The following GGA2 variants were observed in gnomAD, a reference collection of about 807,000 sequenced individuals.
The protein encoded by GGA2 is ADP-ribosylation factor-binding protein GGA2.
A neutral mutation model predicts 79.5 loss-of-function variants in GGA2; 48 were observed. That is an observed-to-expected ratio of 0.60 (90% CI 0.48 to 0.77). The LOEUF (loss-of-function observed/expected upper bound fraction) is 0.77, where lower values mean the gene tolerates loss of function less well. Ranked by LOEUF, GGA2 falls within the 30% of genes least tolerant of loss-of-function variation. The pLI is 0.00. For synonymous variants in GGA2, 317 were observed against 302.0 expected (o/e 1.05, Z -0.51); for missense variants, 770 against 774.0 (o/e 0.99, Z 0.06).
rs371311773 is a variant in GGA2 at position 23,493,342 on chromosome 16, C to T, written c.351+18G>A. On this transcript the variant is annotated intron_variant, in intron 4 of 16. Transcript: ENST00000309859. ...CGTAGGTGCGACACAGTCAGCAGAG[C>T]CAAGCCCAGGTACTCACCTTTGGGG... is the stretch of plus-strand genomic sequence containing the variant. 9.2e-5 allele frequency: 135 copies of T among 1,463,296 alleles called. No individual in the cohort carries two copies. Among genetic ancestry groups the T allele is most frequent in the Non-Finnish European group, 1.2e-4 (120 of 1,042,170 alleles). The allele number at this position is 1,463,296 out of a possible 1,614,324, so 90.6% of individuals were successfully genotyped here.
intron 1 of GGA2, among the ~76,000 whole-genome samples, chr16:23,508,198 C>A (rs540876988): frequency 2.0e-5 from 3 of 151,992 alleles, no homozygotes; most frequent in African/African-American, 4.8e-5. Flanking sequence ...TCCCAAGTAG[C>A]TGGAATTACA....
In GGA2 at chr16:23,470,019, T is replaced by A; in HGVS notation, c.1597A>T (p.Met533Leu). The change falls in exon 15 of 17, where the codon ATG becomes TTG. Residue 533 changes from methionine (M) to leucine (L), a missense_variant. Physicochemically the swap from Met to Leu is conservative, Grantham distance 15 (BLOSUM62 2). Transcript: ENST00000309859. ...STAPQPVWDIMFQVAVPKSMR... is the reference protein window; with the variant it reads ...STAPQPVWDILFQVAVPKSMR... ...ACCTTTGGCACAGCCACTTGAAACA[T>A]GATATCCCAGACAGGCTGGGGAGCC... The A allele has an allele frequency of 6.4e-7, 1 of 1,568,612 alleles. No homozygotes were observed. The highest frequency in any genetic ancestry group is 8.6e-7 in the Non-Finnish European group (1 of 1,157,532).
rs1964418067 is a variant in GGA2, at chr16:23,465,047, G to A, written c.*2543C>T. 1 of 483,188 alleles carries A rather than the reference G, an allele frequency of 2.1e-6. No homozygotes were observed. The highest frequency in any genetic ancestry group is 1.9e-5 in the African/African-American group (1 of 51,750). 29.9% of individuals were successfully genotyped at this position (483,188 alleles called of 1,614,324 possible). On this transcript the variant is annotated 3_prime_UTR_variant, in exon 17 of 17. Coordinates refer to ENST00000309859, the MANE Select transcript of GGA2 (RefSeq NM_015044.4). ...GAGTTCAAGATACTGGAAAGCACTG[G>A]CCATGAGTGCCAGATCTCCAGCACA... is the stretch of plus-strand genomic sequence containing the variant.
chr16:23,503,899 T>C (rs556449716), intron 1 of GGA2, among the ~76,000 whole-genome samples: 14 of 152,162 alleles, frequency 9.2e-5, no homozygotes, highest in Non-Finnish European at 1.6e-4. Flanking sequence ...CTGACCAACA[T>C]GGAGAAACCC....
intron 10 of GGA2, chr16:23,480,305 G>T: frequency 3.2e-6 from 1 of 314,588 alleles, no homozygotes. Flanking sequence ...AGTGCTCCAG[G>T]TGATTCTGAT....
chr16:23,482,438 T>A (rs755063230), intron 9 of GGA2, among the ~76,000 whole-genome samples: 28 of 152,218 alleles, frequency 1.8e-4, no homozygotes, highest in Non-Finnish European at 3.8e-4. Context: ...CTCTCATGTT[T>A]CGAGATTTTC....
At chr16:23,483,052 A>C in intron 8 of GGA2, 48 bp from the exon 9 acceptor site, 1 of 1,237,482 alleles carries the variant, frequency 8.1e-7, no homozygotes, top group Non-Finnish European at 1.2e-6. Context: ...GCACCCCATA[A>C]CGCCCCCCTC....
intron 12 of GGA2, 191 bp from the exon 13 acceptor site, chr16:23,478,692 C>G (rs955959592): frequency 1.4e-6 from 1 of 733,880 alleles, no homozygotes; most frequent in African/African-American, 1.7e-5. Context: ...GAAGCAGGAG[C>G]CTGGTGCAAC....
rs1964413823 is a variant in GGA2 at position 23,464,807 on chromosome 16, G to A, written c.*2783C>T. 6.3e-6 allele frequency: 1 copy of A among 157,516 alleles called. No homozygotes were observed. The highest frequency in any genetic ancestry group is 1.8e-4 in the South Asian group (1 of 5,444). The allele number at this position is 157,516 out of a possible 1,614,324, so 9.8% of individuals were successfully genotyped here. On this transcript the variant is annotated 3_prime_UTR_variant, in exon 17 of 17. Transcript: ENST00000309859. ...GAACCTCCAGATACAGATAACCCCTGACAGACTGAAATACGATCTGGCGAC... is the reference window on the plus strand; with the variant it reads ...GAACCTCCAGATACAGATAACCCCTAACAGACTGAAATACGATCTGGCGAC...
chr16:23,513,542 G>C (rs1965085919), upstream of GGA2, among the ~76,000 whole-genome samples: 1 of 152,158 alleles, frequency 6.6e-6, no homozygotes, highest in African/African-American at 2.4e-5. Flanking sequence ...CCAGCACTTT[G>C]GGAGGCTGAG....
At chr16:23,481,777 CA>C (rs960621714) in intron 9 of GGA2, among the ~76,000 whole-genome samples, 6 of 150,768 alleles carry the variant, frequency 4.0e-5, no homozygotes, top group Admixed American at 1.3e-4. Flanking sequence ...GAGACTGTCT[CA>C]AAAAAAAGGA....
intron 1 of GGA2, among the ~76,000 whole-genome samples, chr16:23,497,553 GGGC>G (rs1567368051): frequency 1.3e-5 from 2 of 152,102 alleles, no homozygotes; most frequent in Non-Finnish European, 2.9e-5. Flanking sequence ...GAGAACACAA[GGGC>G]GAGGGAAGGA....
intron 13 of GGA2, among the ~76,000 whole-genome samples, chr16:23,476,796 A>G (rs1409235389): frequency 1.3e-5 from 2 of 152,190 alleles, no homozygotes; most frequent in East Asian, 3.8e-4. Context: ...CTTAACTTCA[A>G]TTATATGGTT....
intron 2 of GGA2, among the ~76,000 whole-genome samples, chr16:23,515,890 G>C (rs902296260): frequency 6.6e-6 from 1 of 152,196 alleles, no homozygotes; most frequent in African/African-American, 2.4e-5. Context: ...CCAGGCTGGA[G>C]TGCAGTGGCA....
At chr16:23,496,135 TACTA>T (rs1296760228) in intron 1 of GGA2, among the ~76,000 whole-genome samples, 1 of 151,740 alleles carries the variant, frequency 6.6e-6, no homozygotes, top group Non-Finnish European at 1.5e-5. Context: ...ACCCCATCTC[TACTA>T]AAAATACAAA....
At chr16:23,505,307 C>A (rs530555555) in intron 1 of GGA2, among the ~76,000 whole-genome samples, 1 of 152,250 alleles carries the variant, frequency 6.6e-6, no homozygotes, top group Non-Finnish European at 1.5e-5. Context: ...GCTACCAGAG[C>A]TAGAATTCTA....
chr16:23,497,166 G>A (rs1002947385), intron 1 of GGA2, among the ~76,000 whole-genome samples: 4 of 151,662 alleles, frequency 2.6e-5, no homozygotes, highest in African/African-American at 9.7e-5. Context: ...GTCCTGGCCT[G>A]CCCAGCCTCT....
intron 1 of GGA2, among the ~76,000 whole-genome samples, chr16:23,504,149 T>C (rs1964950033): frequency 6.7e-6 from 1 of 150,026 alleles, no homozygotes; most frequent in Non-Finnish European, 1.5e-5. Context: ...ACAATCCAGG[T>C]TGGCACGATC....
rs1375852765 is a variant in GGA2 at position 23,480,694 on chromosome 16, G to A, written c.957C>T (p.Thr319=). 4 of 1,613,276 alleles carry A rather than the reference G, an allele frequency of 2.5e-6. No homozygotes were observed. Among genetic ancestry groups the A allele is most frequent in the Non-Finnish European group, 3.4e-6 (4 of 1,179,166 alleles). Residue 319 remains threonine, a synonymous_variant, in exon 10 of 17, where the codon ACC becomes ACT. Transcript: ENST00000309859. Reference sequence around the variant, plus strand: ...ATGAGCTGGTCACTCTGTTTCCAAAGGTGACCCGGCCCTCCATCACCTGTT... The same window carrying A: ...ATGAGCTGGTCACTCTGTTTCCAAAAGTGACCCGGCCCTCCATCACCTGTT... ...LYKQVMEGRV[T]FGNRVTSSLG...
Sources: gnomAD v4.1 joint callset for allele counts (sites outside exome capture counted in the v4.1 genomes callset) on GRCh38, gnomAD v4.1.1 for gene constraint, MANE v1.5 for transcripts, NCBI Gene and HGNC (gene_info 2026-07-23, HGNC 2026-07-21) for gene names.